The following ATP13A4 variants were observed in gnomAD, a reference collection of about 807,000 sequenced individuals.
The protein encoded by ATP13A4 is ATPase 13A4.
ATP13A4 carries 114 observed loss-of-function variants against 142.5 expected under a neutral mutation model. The observed-to-expected ratio is 0.80, with a 90% CI of 0.69 to 0.93. The LOEUF is 0.93. Ranked by LOEUF, ATP13A4 falls within the 40% of genes least tolerant of loss-of-function variation. ATP13A4 has a pLI of 0.00. For synonymous variants in ATP13A4, 488 were observed against 514.8 expected, an observed-to-expected ratio of 0.95 and a Z score of 0.70; for missense variants, 1,392 against 1,454.0, an observed-to-expected ratio of 0.96 and a Z score of 0.69.
At chr3:193,541,885 G>T (rs1290007500) in intron 1 of ATP13A4, among the ~76,000 whole-genome samples, 1 of 152,198 alleles carries the variant, frequency 6.6e-6, no homozygotes, top group Non-Finnish European at 1.5e-5. Context: ...TTTTCCACTT[G>T]AAGTGGTACC....
chr3:193,442,472 T>C lies in ATP13A4; in HGVS notation c.2237A>G (p.Asn746Ser), dbSNP rs1332823369. ...ESQKVILIEANETTGSSSASI... is the reference protein window; with the variant it reads ...ESQKVILIEASETTGSSSASI... ...TGCTGATGAGGACCCGGTGGTTTCA[T>C]TTGCCTCAATGAGAATGACTTTCTG... Residue 746 changes from asparagine to serine, a missense_variant, in exon 19 of 30, where the codon AAT becomes AGT. Physicochemically the swap from Asn to Ser is conservative, Grantham distance 46. Coordinates refer to ENST00000342695, the MANE Select transcript of ATP13A4 (RefSeq NM_032279.4). 3 of 1,613,978 alleles carry C rather than the reference T, an allele frequency of 1.9e-6. No homozygotes were observed. In the African/African-American group the frequency reaches 4.0e-5, roughly 22 times the overall value.
chr3:193,517,866 T>G (rs1472906251), intron 1 of ATP13A4, among the ~76,000 whole-genome samples: 1 of 152,224 alleles, frequency 6.6e-6, no homozygotes, highest in Non-Finnish European at 1.5e-5. Context: ...CTGTACAGTT[T>G]CTTCTTTGCC....
intron 1 of ATP13A4, among the ~76,000 whole-genome samples, chr3:193,538,006 C>G (rs575249753): frequency 6.6e-6 from 1 of 152,024 alleles, no homozygotes; most frequent in Non-Finnish European, 1.5e-5. Flanking sequence ...GGAGTTTCCT[C>G]GCGGTGATGG....
At chr3:193,458,694 G>A (rs1717778030) in intron 14 of ATP13A4, 1 of 401,866 alleles carries the variant, frequency 2.5e-6, no homozygotes. Context: ...CTGAGCACTG[G>A]AGAAAGCAAT....
At chr3:193,441,636 G>A in intron 19 of ATP13A4, 48 bp from the exon 20 acceptor site, 1 of 1,596,048 alleles carries the variant, frequency 6.3e-7, no homozygotes, top group Non-Finnish European at 8.6e-7. Flanking sequence ...TTGACAGAGT[G>A]GTTAGAACCA....
At chr3:193,541,361 T>C (rs1187674957) in intron 1 of ATP13A4, among the ~76,000 whole-genome samples, 1 of 88,476 alleles carries the variant, frequency 1.1e-5, no homozygotes, top group African/African-American at 3.3e-5. Context: ...AGATTATCTA[T>C]CTGTGATTAT....
intron 2 of ATP13A4, among the ~76,000 whole-genome samples, chr3:193,569,330 A>G (rs957736108): frequency 1.3e-5 from 2 of 152,240 alleles, no homozygotes; most frequent in African/African-American, 4.8e-5. Context: ...ATCAAAAACA[A>G]AAGAAGTTTG....
chr3:193,548,674 G>A (rs943997810), intron 1 of ATP13A4, among the ~76,000 whole-genome samples: 2 of 152,152 alleles, frequency 1.3e-5, no homozygotes, highest in Non-Finnish European at 2.9e-5. Context: ...GCTCCCGGGT[G>A]TTAGAGAAGA....
upstream of ATP13A4, among the ~76,000 whole-genome samples, chr3:193,555,497 T>A (rs923166861): frequency 1.3e-5 from 2 of 152,228 alleles, no homozygotes; most frequent in Non-Finnish European, 2.9e-5. Flanking sequence ...AACAAAGGTA[T>A]CATCAAACTA....
rs983744433 is a variant in ATP13A4, at chr3:193,467,216, T to A, written c.1114+100A>T. 10 of 1,235,728 alleles carry A rather than the reference T, an allele frequency of 8.1e-6. No homozygotes were observed. In the African/African-American group the frequency reaches 1.5e-4, roughly 19 times the overall value. 76.5% of individuals were successfully genotyped at this position (1,235,728 alleles called of 1,614,324 possible). ...ATTAAAAATTAAAAAAATATGATTA[T>A]AAAGAAAAAACAGCTTCTCTTTACC... On this transcript the variant is annotated intron_variant, in intron 10 of 29. Transcript: ENST00000342695.
chr3:193,451,195 CT>C (rs1336048174), intron 17 of ATP13A4, among the ~76,000 whole-genome samples: 1 of 152,156 alleles, frequency 6.6e-6, no homozygotes, highest in Non-Finnish European at 1.5e-5. Context: ...GTCTTCCAAT[CT>C]TTCTCATGGT....
intron 2 of ATP13A4, among the ~76,000 whole-genome samples, chr3:193,511,757 C>T (rs567513190): frequency 1.8e-4 from 27 of 151,844 alleles, no homozygotes; most frequent in African/African-American, 5.1e-4. Context: ...GAAATCAAAA[C>T]GTTTGACTCC....
At chr3:193,460,671 C>G (rs1382390447) in intron 13 of ATP13A4, among the ~76,000 whole-genome samples, 1 of 152,046 alleles carries the variant, frequency 6.6e-6, no homozygotes, top group African/African-American at 2.4e-5. Flanking sequence ...AAATACAGAT[C>G]AGAAAAAAAA....
chr3:193,483,565 T>TCAC lies in ATP13A4; in HGVS notation c.808+370_808+371insGTG, dbSNP rs550868638. On this transcript the variant is annotated intron_variant, in intron 8 of 29. Transcript: ENST00000342695. ...CTGCAAGCTCCGCCTCCCGGGTTCA[T>TCAC]GCCATTCTCCTGCCTCAGCCTCCTG... Among the ~76,000 whole-genome samples, 68 of 152,028 alleles carry TCAC rather than the reference T, an allele frequency of 4.5e-4. 1 individual carries two copies. The highest frequency in any genetic ancestry group is 1.5e-3 in the African/African-American group (61 of 41,496).
At chr3:193,478,363 T>C (rs751261562) in intron 8 of ATP13A4, among the ~76,000 whole-genome samples, 2 of 150,700 alleles carry the variant, frequency 1.3e-5, no homozygotes, top group Admixed American at 1.3e-4. Flanking sequence ...ATAAATAAAA[T>C]TGATGGACCA....
Position 193,433,847 on chromosome 3 carries a change from G to T in ATP13A4, c.2840C>A (p.Thr947Lys), listed in dbSNP as rs757857560. 3.1e-6 allele frequency: 5 copies of T among 1,612,070 alleles called. No homozygotes were observed. In the Admixed American group the frequency reaches 8.3e-5, roughly 27 times the overall value. ...AAGAAAGTTTTAAAATGTCTTACTT[G>T]TTACACCAATAAGAGTTGTAATGGC... ...DLAITTLIGV[T>K]MNLNGAYPKL... Residue 947 changes from threonine (T) to lysine (K), a missense_variant and splice_region_variant, in exon 25 of 30, where the codon ACA becomes AAA. By Grantham distance (78) the Thr-to-Lys change is moderately conservative. Coordinates refer to ENST00000342695, the MANE Select transcript of ATP13A4 (RefSeq NM_032279.4).
At chr3:193,442,681 A>G in intron 18 of ATP13A4, 125 bp from the exon 19 acceptor site, 1 of 975,930 alleles carries the variant, frequency 1.0e-6, no homozygotes, top group Non-Finnish European at 1.6e-6. Flanking sequence ...GATCTCTGAT[A>G]TCTATTTCAG....
rs146789205 is a variant in ATP13A4, at chr3:193,542,399, A to G, written c.60+12341T>C. Among the ~76,000 whole-genome samples, 823 of 152,338 alleles carry G rather than the reference A, an allele frequency of 5.4e-3. 14 individuals carry two copies. The East Asian group carries it at 0.069, about 13-fold the overall frequency. On this transcript the variant is annotated intron_variant, in intron 1 of 29. Coordinates refer to ENST00000342695, the MANE Select transcript of ATP13A4 (RefSeq NM_032279.4). ...TATCATGAAAATGGCCACACTGCCCAAAGTAATTTATAGATTCAATGCTAT... is the reference window on the plus strand; with the variant it reads ...TATCATGAAAATGGCCACACTGCCCGAAGTAATTTATAGATTCAATGCTAT...
chr3:193,448,458 C>T, intron 17 of ATP13A4, 128 bp from the exon 18 acceptor site: 3 of 1,210,214 alleles, frequency 2.5e-6, no homozygotes, highest in Non-Finnish European at 3.6e-6. Context: ...GCCTCAGCTT[C>T]CCAAGTAACT....
Sources: allele counts gnomAD v4.1 joint callset (sites outside exome capture counted in the v4.1 genomes callset), GRCh38; gene constraint gnomAD v4.1.1; transcripts MANE v1.5; gene names NCBI Gene and HGNC (gene_info 2026-07-23, HGNC 2026-07-21).